The following CDON variants were observed in gnomAD, a reference collection of about 807,000 sequenced individuals.
The protein encoded by CDON is cell adhesion associated, oncogene regulated.
Under a neutral mutation model 120.9 loss-of-function variants are expected in CDON, and 73 were observed. The ratio of observed to expected loss-of-function variants is 0.60; its 90% CI spans 0.50 to 0.73. CDON has a LOEUF of 0.73. CDON is among the 30% of genes least tolerant of loss of function. The pLI, the probability that CDON is intolerant of heterozygous loss-of-function variation, is 0.00. For missense variants in CDON, 1,470 were observed against 1,587.3 expected (o/e 0.93, Z 1.26); for synonymous variants, 566 against 573.5 (o/e 0.99, Z 0.19).
chr11:126,042,042 G>A (rs1372409905), intron 1 of CDON, among the ~76,000 whole-genome samples: 2 of 152,012 alleles, frequency 1.3e-5, no homozygotes, highest in Admixed American at 6.5e-5. Context: ...GAGCCACCAC[G>A]CCCAGCTAAT....
At chr11:126,059,175 G>A (rs1435721908) in intron 1 of CDON, among the ~76,000 whole-genome samples, 4 of 152,214 alleles carry the variant, frequency 2.6e-5, no homozygotes, top group African/African-American at 9.6e-5. Context: ...TTACAGGCAA[G>A]ACCAAACAGT....
In CDON at chr11:125,956,869, C is replaced by T. The variant is rs1945501071; in HGVS notation, c.*4073G>A. Reference sequence around the variant, plus strand: ...TTATTAGATAAGGGGTTTCGGCTACCCTCAAAGCTCTCAGGACTGGGGCTA... The same window carrying T: ...TTATTAGATAAGGGGTTTCGGCTACTCTCAAAGCTCTCAGGACTGGGGCTA... On this transcript the variant is annotated 3_prime_UTR_variant, in exon 20 of 20. Transcript: ENST00000531738. 1.0e-5 allele frequency: 10 copies of T among 985,446 alleles called. No homozygotes were observed. The Admixed American group carries it at 4.3e-4, about 42-fold the overall frequency. 61.0% of individuals were successfully genotyped at this position (985,446 alleles called of 1,614,324 possible). A position where few individuals can be genotyped will look rare whatever the true frequency, so the allele number is the denominator to read the frequency against.
intron 8 of CDON, among the ~76,000 whole-genome samples, chr11:126,007,359 A>C (rs1947157441): frequency 6.6e-6 from 1 of 152,216 alleles, no homozygotes; most frequent in Non-Finnish European, 1.5e-5. Flanking sequence ...GAAGCTAGTG[A>C]GGAAATAATG....
intron 11 of CDON, among the ~76,000 whole-genome samples, chr11:126,000,655 C>A (rs1193111367): frequency 6.6e-6 from 1 of 152,108 alleles, no homozygotes; most frequent in Non-Finnish European, 1.5e-5. Context: ...GAAATTAATA[C>A]TCATATACGT....
rs199884397 is a variant in CDON, at chr11:126,040,622, T to C, written c.-61-17085A>G. On this transcript the variant is annotated intron_variant, in intron 1 of 19. Transcript: ENST00000531738. Reference sequence around the variant, plus strand: ...CAAGGTCAGGAGATCGAGACCATCCTGGCTAACACGGTGAAACCCCGTCTC... The same window carrying C: ...CAAGGTCAGGAGATCGAGACCATCCCGGCTAACACGGTGAAACCCCGTCTC... Among the ~76,000 whole-genome samples the C allele has an allele frequency of 3.1e-4, 47 of 150,726 alleles. No individual in the cohort carries two copies. The East Asian group carries it at 3.4e-3, about 11-fold the overall frequency.
At chr11:126,048,282 C>CAAAAAAAAAA (rs1239820423) in intron 1 of CDON, among the ~76,000 whole-genome samples, 5 of 119,476 alleles carry the variant, frequency 4.2e-5, no homozygotes, top group Admixed American at 8.9e-5. Flanking sequence ...GACTCTGTCT[C>CAAAAAAAAAA]AAAAAAAAAA....
intron 1 of CDON, among the ~76,000 whole-genome samples, chr11:126,030,863 A>T (rs201200666): frequency 7.2e-5 from 11 of 152,326 alleles, no homozygotes; most frequent in South Asian, 4.1e-4. Context: ...CTGAATATTT[A>T]ATTTAACTAA....
Position 126,023,377 on chromosome 11 carries a change from CCCCCT to C in CDON, c.76+19_76+23del. On this transcript the variant is annotated intron_variant, in intron 2 of 19. Coordinates refer to ENST00000531738, the MANE Select transcript of CDON (RefSeq NM_001378964.1). ...ATTAAGATGAGTAAAGGCCAAACCA[CCCCCT>C]CCCCAATTCTACTCTTACCTGAACT... The C allele has an allele frequency of 6.7e-7, 1 of 1,490,098 alleles. No individual in the cohort carries two copies. Among genetic ancestry groups the C allele is most frequent in the Non-Finnish European group, 9.4e-7 (1 of 1,066,928 alleles). 92.3% of individuals were successfully genotyped at this position (1,490,098 alleles called of 1,614,324 possible).
chr11:126,011,595 G>T (rs989366410), intron 7 of CDON, among the ~76,000 whole-genome samples: 10 of 152,184 alleles, frequency 6.6e-5, no homozygotes, highest in Admixed American at 1.3e-4. Context: ...CAGTGATTCG[G>T]AGTTCTCTGT....
chr11:125,991,306 G>T (rs1182708257), intron 14 of CDON, among the ~76,000 whole-genome samples: 2 of 152,120 alleles, frequency 1.3e-5, no homozygotes, highest in African/African-American at 4.8e-5. Flanking sequence ...TACATCATTA[G>T]GTTTAAAACT....
intron 7 of CDON, among the ~76,000 whole-genome samples, chr11:126,013,813 CTTT>C (rs146500072): frequency 6.6e-6 from 1 of 151,826 alleles, no homozygotes; most frequent in Non-Finnish European, 1.5e-5. Context: ...TTTTTATGAT[CTTT>C]TTTTCTTTCT....
At chr11:126,052,822 C>CAA (rs34621999) in intron 1 of CDON, among the ~76,000 whole-genome samples, 15 of 78,534 alleles carry the variant, frequency 1.9e-4, no homozygotes, top group African/African-American at 2.9e-4. Context: ...GACTCCGTCT[C>CAA]AAAAAAAAAA....
chr11:126,001,905 G>GA (rs1004955936), intron 10 of CDON, 55 bp from the exon 11 acceptor site: 67 of 1,325,448 alleles, frequency 5.1e-5, no homozygotes, highest in Middle Eastern at 1.8e-4. Context: ...ATGTAAAGTG[G>GA]AAAAAAAAGA....
intron 18 of CDON, among the ~76,000 whole-genome samples, chr11:125,966,297 C>CTAA (rs1384223601): frequency 1.3e-5 from 2 of 152,120 alleles, no homozygotes; most frequent in East Asian, 1.9e-4. Flanking sequence ...GAACTAGAAT[C>CTAA]TAATAATAAT....
At chr11:125,977,103 A>G (rs1265126185) in intron 18 of CDON, among the ~76,000 whole-genome samples, 1 of 152,242 alleles carries the variant, frequency 6.6e-6, no homozygotes, top group African/African-American at 2.4e-5. Context: ...ACGTTGCCTA[A>G]CAAACTACGG....
intron 1 of CDON, among the ~76,000 whole-genome samples, chr11:126,047,166 C>G (rs1173108865): frequency 1.3e-5 from 2 of 152,234 alleles, no homozygotes; most frequent in East Asian, 1.9e-4. Context: ...TGAAGTACAT[C>G]TCTTATAAAA....
intron 10 of CDON, 125 bp downstream of exon 10, chr11:126,003,773 TTGTG>T: frequency 4.7e-6 from 4 of 845,810 alleles, no homozygotes; most frequent in Non-Finnish European, 7.8e-6. Flanking sequence ...TGAGCTGAGA[TTGTG>T]CTACTGCACT....
chr11:126,031,622 C>A (rs1168545278), intron 1 of CDON, among the ~76,000 whole-genome samples: 1 of 152,178 alleles, frequency 6.6e-6, no homozygotes, highest in South Asian at 2.1e-4. Context: ...CTGTGAGATT[C>A]CACTAATTAG....
At chr11:126,024,485 G>A (rs891534373) in intron 1 of CDON, among the ~76,000 whole-genome samples, 9 of 152,178 alleles carry the variant, frequency 5.9e-5, no homozygotes, top group African/African-American at 2.2e-4. Flanking sequence ...TAGAGTGTGG[G>A]ACACAGATGT....
Sources: gnomAD v4.1 joint callset for allele counts (sites outside exome capture counted in the v4.1 genomes callset) on GRCh38, gnomAD v4.1.1 for gene constraint, MANE v1.5 for transcripts, NCBI Gene and HGNC (gene_info 2026-07-23, HGNC 2026-07-21) for gene names.